Variants in NAPEPLD observed in about 807,000 individuals in gnomAD.
NAPEPLD encodes N-acyl phosphatidylethanolamine phospholipase D.
Under a neutral mutation model 38.1 loss-of-function variants are expected in NAPEPLD, and 23 were observed. The ratio of observed to expected loss-of-function variants is 0.60; its 90% CI spans 0.43 to 0.86. The LOEUF (loss-of-function observed/expected upper bound fraction) is 0.86, where lower values mean the gene tolerates loss of function less well. NAPEPLD is among the 40% of genes least tolerant of loss of function. The pLI, the probability that NAPEPLD is intolerant of heterozygous loss-of-function variation, is 0.00. For missense variants in NAPEPLD, 411 were observed against 476.8 expected (o/e 0.86, Z 1.28); for synonymous variants, 147 against 162.0 (o/e 0.91, Z 0.71).
chr7:103,112,970 A>T (rs191835002), intron 4 of NAPEPLD, among the ~76,000 whole-genome samples: 22 of 152,332 alleles, frequency 1.4e-4, no homozygotes, highest in Non-Finnish European at 2.4e-4. Flanking sequence ...GAATAACACA[A>T]TAATTCTCAA....
intron 4 of NAPEPLD, 53 bp from the exon 5 acceptor site, chr7:103,103,607 G>A: frequency 6.5e-7 from 1 of 1,535,302 alleles, no homozygotes; most frequent in East Asian, 2.4e-5. Context: ...ATATTTGGGA[G>A]ATTTTCCAAA....
chr7:103,123,912 T>C (rs182281726), intron 2 of NAPEPLD, among the ~76,000 whole-genome samples: 28 of 152,318 alleles, frequency 1.8e-4, no homozygotes, highest in African/African-American at 5.8e-4. Flanking sequence ...ATTGTCTTGA[T>C]TGTGGTGATC....
At chr7:103,141,694 C>T (rs1585900865) in intron 1 of NAPEPLD, 5 of 914,392 alleles carry the variant, frequency 5.5e-6, no homozygotes, top group South Asian at 3.9e-5. Context: ...TGGCTGTACC[C>T]TTCCGCTTAC....
At chr7:103,118,018 A>T (rs1469291217) in intron 3 of NAPEPLD, among the ~76,000 whole-genome samples, 1 of 152,124 alleles carries the variant, frequency 6.6e-6, no homozygotes, top group Admixed American at 6.6e-5. Context: ...CCCTGTCTCT[A>T]CTAAAAACAC....
intron 1 of NAPEPLD, among the ~76,000 whole-genome samples, chr7:103,144,214 G>A (rs1032699798): frequency 6.6e-6 from 1 of 152,178 alleles, no homozygotes; most frequent in Non-Finnish European, 1.5e-5. Context: ...TTTATCTTGA[G>A]TAGATACCTA....
chr7:103,103,936 A>G (rs1294877702), intron 4 of NAPEPLD, among the ~76,000 whole-genome samples: 2 of 151,884 alleles, frequency 1.3e-5, no homozygotes, highest in Non-Finnish European at 2.9e-5. Context: ...AAATATAGAA[A>G]TCAAATTGTG....
rs1802417282 is a variant in NAPEPLD at position 103,101,669 on chromosome 7, G to A, written c.*1760C>T. On this transcript the variant is annotated 3_prime_UTR_variant, in exon 5 of 5. Coordinates refer to ENST00000465647, the MANE Select transcript of NAPEPLD (RefSeq NM_001122838.3). Reference sequence around the variant, plus strand: ...GGTAGGTCGGAATTATCCTCTTGTTGCAAATGAGGAAACAGGCACAGTGAG... The same window carrying A: ...GGTAGGTCGGAATTATCCTCTTGTTACAAATGAGGAAACAGGCACAGTGAG... 1 of 152,490 alleles carries A rather than the reference G, an allele frequency of 6.6e-6. No individual in the cohort carries two copies. The highest frequency in any genetic ancestry group is 2.4e-5 in the African/African-American group (1 of 41,394). The allele number at this position is 152,490 out of a possible 1,614,324, so 9.4% of individuals were successfully genotyped here. A position where few individuals can be genotyped will look rare whatever the true frequency, so the allele number is the denominator to read the frequency against.
chr7:103,120,288 C>G (rs977467880), intron 2 of NAPEPLD, 65 bp from the exon 3 acceptor site: 27 of 1,501,426 alleles, frequency 1.8e-5, no homozygotes, highest in Admixed American at 1.7e-4. Flanking sequence ...TCATCATAGT[C>G]CACATTTTGA....
In NAPEPLD at chr7:103,109,354, A is replaced by C. The variant is rs1804046605; in HGVS notation, c.1056+5706T>G. On this transcript the variant is annotated intron_variant, in intron 4 of 4. Transcript: ENST00000465647. ...CATAATTGGAAGTAAAACACTCCTC[A>C]ACAAATGCAAAAGAAAGGAAATCAT... Among the ~76,000 whole-genome samples the C allele has an allele frequency of 2.0e-5, 3 of 152,322 alleles. No individual in the cohort carries two copies. The East Asian group carries it at 5.8e-4, about 29-fold the overall frequency.
At chr7:103,138,607 C>A (rs77901601) in intron 1 of NAPEPLD, among the ~76,000 whole-genome samples, 2 of 151,714 alleles carry the variant, frequency 1.3e-5, no homozygotes, top group African/African-American at 2.4e-5. Context: ...TAGCTGGGAT[C>A]GCAGGCACGC....
chr7:103,140,691 C>T (rs1181659883), intron 1 of NAPEPLD, among the ~76,000 whole-genome samples: 4 of 152,146 alleles, frequency 2.6e-5, no homozygotes, highest in Admixed American at 6.5e-5. Flanking sequence ...GATTCCTACC[C>T]GACCTCATAG....
chr7:103,103,482 CA>C lies in NAPEPLD; in HGVS notation c.1128del (p.Phe376LeufsTer3). 3 of 1,596,556 alleles carry C rather than the reference CA, an allele frequency of 1.9e-6. No homozygotes were observed. The highest frequency in any genetic ancestry group is 2.3e-5 in the South Asian group (2 of 86,818). On this transcript the variant is annotated frameshift_variant, in exon 5 of 5. Coordinates refer to ENST00000465647, the MANE Select transcript of NAPEPLD (RefSeq NM_001122838.3). LOFTEE classifies it high-confidence loss of function. ...TATCTTGATTCTCCATGCTTCAAGA[CA>C]AAAAAATCTTCAGCGTTAAGTCCGT... ...ERYGLNAEDF[F>X]VLKHGESRYL... is the part of the protein sequence containing the mutation.
intron 1 of NAPEPLD, among the ~76,000 whole-genome samples, chr7:103,136,587 CAAAAAA>C (rs10708983): frequency 1.0e-5 from 1 of 96,162 alleles, no homozygotes. Context: ...CTCTGTCTCA[CAAAAAA>C]AAAAAAAAAA....
At chr7:103,116,366 T>C (rs992228894) in intron 3 of NAPEPLD, among the ~76,000 whole-genome samples, 2 of 152,120 alleles carry the variant, frequency 1.3e-5, no homozygotes, top group African/African-American at 4.8e-5. Flanking sequence ...CAGCTGCCAG[T>C]TTTTTCACTT....
In NAPEPLD at chr7:103,141,237, GTTGTTTTTTTTTTT is replaced by G. The variant is rs1811257962; in HGVS notation, c.-17+7560_-17+7573del. The stretch of plus-strand genomic sequence containing the variant: ...AATGTACATCAGAATTACCTGTGGA[GTTGTTTTTTTTTTT>G]TTTTTTTTTTTTTTGCAAGCAGATA... On this transcript the variant is annotated intron_variant, in intron 1 of 4. Coordinates refer to ENST00000465647, the MANE Select transcript of NAPEPLD (RefSeq NM_001122838.3). The G allele has an allele frequency of 2.2e-4, 17 of 77,486 alleles. No homozygotes were observed. In the East Asian group the frequency reaches 2.8e-3, roughly 13 times the overall value. 4.8% of individuals were successfully genotyped at this position (77,486 alleles called of 1,614,324 possible). A position where few individuals can be genotyped will look rare whatever the true frequency, so the allele number is the denominator to read the frequency against.
chr7:103,122,256 C>T (rs114134706), intron 2 of NAPEPLD, among the ~76,000 whole-genome samples: 2,485 of 152,082 alleles, frequency 0.016, 68 homozygotes, highest in African/African-American at 0.057. Flanking sequence ...TGCCCTCACA[C>T]GTGCACACAC....
At position 103,103,327 on chromosome 7, in the gene NAPEPLD, A is replaced by T. The variant is rs1267106174; in HGVS notation, c.*102T>A. ...ACATAAACTTGCAGAAGTTGTTTCC[A>T]AATGTAAAATAATCACAATATTCAT... is the stretch of plus-strand genomic sequence containing the variant. On this transcript the variant is annotated 3_prime_UTR_variant, in exon 5 of 5. Coordinates refer to ENST00000465647, the MANE Select transcript of NAPEPLD (RefSeq NM_001122838.3). 1.5e-6 allele frequency: 2 copies of T among 1,356,402 alleles called. No homozygotes were observed. The highest frequency in any genetic ancestry group is 2.0e-6 in the Non-Finnish European group (2 of 1,008,254). The allele number at this position is 1,356,402 out of a possible 1,614,324, so 84.0% of individuals were successfully genotyped here.
chr7:103,130,910 T>C (rs575789546), intron 1 of NAPEPLD, among the ~76,000 whole-genome samples: 6 of 152,328 alleles, frequency 3.9e-5, no homozygotes, highest in Admixed American at 6.5e-5. Flanking sequence ...GAACTTAAAG[T>C]GGTCTCGGAG....
At chr7:103,113,324 G>A (rs1968199) in intron 4 of NAPEPLD, among the ~76,000 whole-genome samples, 133,202 of 152,166 alleles carry the variant, frequency 0.88, 61,025 homozygotes, top group East Asian at 1. Flanking sequence ...TCTCCCAACA[G>A]TGGCCAAGAA....
Sources: gnomAD v4.1 joint callset for allele counts (sites outside exome capture counted in the v4.1 genomes callset) on GRCh38, gnomAD v4.1.1 for gene constraint, MANE v1.5 for transcripts, NCBI Gene and HGNC (gene_info 2026-07-23, HGNC 2026-07-21) for gene names.